The following RTL4 variants were observed in gnomAD, a reference collection of about 807,000 sequenced individuals.
RTL4 encodes retrotransposon Gag-like protein 4.
A neutral mutation model predicts 5.3 loss-of-function variants in RTL4; 4 were observed. That is an observed-to-expected ratio of 0.75 (90% CI 0.37 to 1.72). RTL4 has a LOEUF of 1.72. RTL4 is among the 40% of genes most tolerant of loss of function. The pLI, the probability that RTL4 is intolerant of heterozygous loss-of-function variation, is 0.04. For synonymous variants in RTL4, 98 were observed against 87.3 expected, an observed-to-expected ratio of 1.12 and a Z score of -0.68; for missense variants, 260 against 227.1, an observed-to-expected ratio of 1.14 and a Z score of -0.93.
chrX:112,275,126 G>T, the RTL4 span, among the ~76,000 whole-genome samples: 1 of 110,267 alleles, frequency 9.1e-6, no homozygotes, highest in African/African-American at 3.3e-5. Context: ...GCCTCATTGA[G>T]CCATTTTCTG....
chrX:112,228,538 T>C, the RTL4 span, among the ~76,000 whole-genome samples: 1 of 112,535 alleles, frequency 8.9e-6, no homozygotes, highest in Admixed American at 9.4e-5. Flanking sequence ...TTTTTGTGTA[T>C]GTGGTGAGAA....
At chrX:112,387,298 C>T in the RTL4 span, among the ~76,000 whole-genome samples, 1 of 109,896 alleles carries the variant, frequency 9.1e-6, no homozygotes, top group African/African-American at 3.3e-5. Flanking sequence ...TGTCTGTTTA[C>T]TCTGCTGACT....
chrX:112,106,062 C>T, the RTL4 span, among the ~76,000 whole-genome samples: 1 of 111,597 alleles, frequency 9.0e-6, no homozygotes, highest in Admixed American at 9.5e-5. Context: ...TCTTCTACTC[C>T]TTCTTTGGAG....
At chrX:112,217,992 A>T in the RTL4 span, among the ~76,000 whole-genome samples, 2 of 112,115 alleles carry the variant, frequency 1.8e-5, no homozygotes, top group Non-Finnish European at 3.8e-5. Flanking sequence ...TCTTATTGAG[A>T]GTTAGTTGAC....
the RTL4 span, among the ~76,000 whole-genome samples, chrX:112,254,035 C>T: frequency 8.9e-6 from 1 of 112,058 alleles, no homozygotes; most frequent in Admixed American, 9.5e-5. Context: ...CAATGTGTCT[C>T]AAATAAATTC....
the RTL4 span, among the ~76,000 whole-genome samples, chrX:112,166,648 CTT>C: frequency 1.1e-4 from 12 of 111,871 alleles, no homozygotes; most frequent in African/African-American, 3.6e-4. Context: ...CTTGAAAGTA[CTT>C]TGTTTCCTAG....
chrX:112,112,564 G>T, the RTL4 span, among the ~76,000 whole-genome samples: 2 of 112,368 alleles, frequency 1.8e-5, no homozygotes, highest in African/African-American at 3.2e-5. Context: ...TTGAATTGCT[G>T]TAAGCAGACC....
At chrX:112,228,879 A>T in the RTL4 span, among the ~76,000 whole-genome samples, 2 of 112,032 alleles carry the variant, frequency 1.8e-5, no homozygotes, top group East Asian at 5.6e-4. Flanking sequence ...ATTAGCTGAG[A>T]ATTATCTCAG....
chrX:112,318,794 A>G, the RTL4 span, among the ~76,000 whole-genome samples: 1 of 111,330 alleles, frequency 9.0e-6, no homozygotes, highest in Non-Finnish European at 1.9e-5. Flanking sequence ...AAAAAGCTTG[A>G]CTTTTTATAT....
At chrX:112,099,416 G>A in the RTL4 span, among the ~76,000 whole-genome samples, 1 of 111,533 alleles carries the variant, frequency 9.0e-6, no homozygotes, top group East Asian at 2.8e-4. Context: ...TGGAATAGGT[G>A]AAATTTTAAC....
chrX:112,386,000 T>G, the RTL4 span, among the ~76,000 whole-genome samples: 1 of 112,342 alleles, frequency 8.9e-6, no homozygotes, highest in Non-Finnish European at 1.9e-5. Flanking sequence ...AAAGACATTT[T>G]GAAGAGCACT....
At chrX:112,189,631 G>A in the RTL4 span, among the ~76,000 whole-genome samples, 1 of 110,960 alleles carries the variant, frequency 9.0e-6, no homozygotes, top group African/African-American at 3.3e-5. Context: ...AGGCGTGGTG[G>A]CAGGTGCCTG....
the RTL4 span, among the ~76,000 whole-genome samples, chrX:112,337,799 T>C: frequency 9.0e-6 from 1 of 111,181 alleles, no homozygotes; most frequent in Non-Finnish European, 1.9e-5. Flanking sequence ...TTTCAGTAGA[T>C]GGCATGTCCT....
At chrX:112,164,263 C>T in the RTL4 span, among the ~76,000 whole-genome samples, 10 of 111,227 alleles carry the variant, frequency 9.0e-5, no homozygotes, top group African/African-American at 3.3e-4. Flanking sequence ...AAACCCTTCC[C>T]ACAGGTATCC....
At chrX:112,335,544 A>G in the RTL4 span, among the ~76,000 whole-genome samples, 2,568 of 111,132 alleles carry the variant, frequency 0.023, 60 homozygotes, top group African/African-American at 0.077. Context: ...GATGATATTT[A>G]AGGCTAAGTA....
At chrX:112,345,108 A>G in the RTL4 span, among the ~76,000 whole-genome samples, 1 of 111,272 alleles carries the variant, frequency 9.0e-6, no homozygotes, top group Non-Finnish European at 1.9e-5. Context: ...CAGTCAAACC[A>G]TATCACCATG....
At chrX:112,281,891 C>T in the RTL4 span, among the ~76,000 whole-genome samples, 29 of 111,612 alleles carry the variant, frequency 2.6e-4, no homozygotes, top group East Asian at 4.5e-3. Context: ...ACTATTAATC[C>T]CTTTTCAGAT....
At chrX:112,120,424 C>A in the RTL4 span, among the ~76,000 whole-genome samples, 7 of 110,938 alleles carry the variant, frequency 6.3e-5, no homozygotes, top group African/African-American at 2.3e-4. Context: ...CTACAGGCGC[C>A]CGCCACCACG....
At chrX:112,254,268 G>A in the RTL4 span, among the ~76,000 whole-genome samples, 2 of 111,266 alleles carry the variant, frequency 1.8e-5, no homozygotes, top group Non-Finnish European at 1.9e-5. Context: ...CCTTATTGCA[G>A]AGATCATAGT....
Sources: allele counts gnomAD v4.1 joint callset (sites outside exome capture counted in the v4.1 genomes callset), GRCh38; gene constraint gnomAD v4.1.1; transcripts MANE v1.5; gene names NCBI Gene and HGNC (gene_info 2026-07-23, HGNC 2026-07-21).